ADAM22: variants seen among roughly 807,000 people sequenced by gnomAD.
The protein encoded by ADAM22 is ADAM metallopeptidase domain 22.
In ADAM22, 65 loss-of-function variants were observed where a neutral mutation model predicts 144.6. The ratio of observed to expected loss-of-function variants is 0.45; its 90% CI spans 0.37 to 0.55. The LOEUF (loss-of-function observed/expected upper bound fraction) is 0.55. ADAM22 is among the 20% of genes least tolerant of loss of function. ADAM22 has a pLI of 0.00. For synonymous variants in ADAM22, 391 were observed against 412.6 expected, an observed-to-expected ratio of 0.95 and a Z score of 0.63; for missense variants, 974 against 1,184.9, an observed-to-expected ratio of 0.82 and a Z score of 2.61.
intron 3 of ADAM22, among the ~76,000 whole-genome samples, chr7:88,015,027 T>A (rs756104323): frequency 1.3e-5 from 2 of 152,220 alleles, no homozygotes; most frequent in Non-Finnish European, 2.9e-5. Flanking sequence ...TGATCATTGA[T>A]ACAGGGTAGA....
chr7:87,981,396 C>T (rs748301129), intron 3 of ADAM22, among the ~76,000 whole-genome samples: 29 of 152,088 alleles, frequency 1.9e-4, no homozygotes, highest in Admixed American at 5.2e-4. Context: ...TCAATAACAA[C>T]GAAATGGTTT....
intron 15 of ADAM22, among the ~76,000 whole-genome samples, chr7:88,143,518 C>T (rs1835424582): frequency 6.6e-6 from 1 of 152,160 alleles, no homozygotes. Context: ...CCTCATCACT[C>T]CCTATCACTG....
At chr7:88,123,636 T>C (rs1366710659) in intron 7 of ADAM22, among the ~76,000 whole-genome samples, 2 of 152,000 alleles carry the variant, frequency 1.3e-5, no homozygotes, top group Non-Finnish European at 2.9e-5. Context: ...CACTTTTTTC[T>C]ATTTGATTTG....
chr7:88,154,487 T>G lies in ADAM22; in HGVS notation c.1787+1161T>G, dbSNP rs76479928. ...CCCAGCTTGGGAAACACTTTCTATATATAAATTTCTTTATGATTTACTCTA... is the reference window on the plus strand; with the variant it reads ...CCCAGCTTGGGAAACACTTTCTATAGATAAATTTCTTTATGATTTACTCTA... On this transcript the variant is annotated intron_variant, in intron 21 of 31. Coordinates refer to ENST00000413139, the MANE Select transcript of ADAM22 (RefSeq NM_001324418.2). Among the ~76,000 whole-genome samples, 1,287 of 152,280 alleles carry G rather than the reference T, an allele frequency of 8.5e-3. 13 individuals carry two copies. The highest frequency in any genetic ancestry group is 0.014 in the Non-Finnish European group (962 of 68,020).
chr7:88,147,901 A>G (rs1246493783), intron 17 of ADAM22, among the ~76,000 whole-genome samples: 2 of 152,206 alleles, frequency 1.3e-5, no homozygotes, highest in East Asian at 3.8e-4. Flanking sequence ...TTTAACCCAC[A>G]TTAAGATGCA....
chr7:88,148,887 C>A, intron 17 of ADAM22, 90 bp from the exon 18 acceptor site: 10 of 1,018,814 alleles, frequency 9.8e-6, no homozygotes, highest in Non-Finnish European at 1.4e-5. Context: ...TATTTCTAGC[C>A]AAACAATTTT....
At chr7:88,011,465 G>A (rs950914225) in intron 3 of ADAM22, among the ~76,000 whole-genome samples, 11 of 151,682 alleles carry the variant, frequency 7.3e-5, no homozygotes, top group Non-Finnish European at 1.0e-4. Context: ...GCGTGAACCC[G>A]GCAGGCAGAG....
intron 3 of ADAM22, among the ~76,000 whole-genome samples, chr7:88,047,340 T>C (rs752309012): frequency 1.6e-4 from 25 of 152,324 alleles, no homozygotes; most frequent in Middle Eastern, 3.4e-3. Context: ...TTACAAACCA[T>C]GGACATTTAA....
chr7:88,142,564 C>T (rs539638940), intron 14 of ADAM22, among the ~76,000 whole-genome samples: 131 of 152,210 alleles, frequency 8.6e-4, no homozygotes, highest in African/African-American at 2.7e-3. Flanking sequence ...ATTGGCCGGG[C>T]GTGGTGGCTC....
intron 8 of ADAM22, among the ~76,000 whole-genome samples, chr7:88,126,869 G>A (rs962923336): frequency 2.6e-5 from 4 of 151,780 alleles, no homozygotes; most frequent in Non-Finnish European, 5.9e-5. Flanking sequence ...TACTGATAAG[G>A]ACATTGAGCA....
chr7:87,953,927 G>T (rs1845927109), intron 2 of ADAM22, among the ~76,000 whole-genome samples: 1 of 152,046 alleles, frequency 6.6e-6, no homozygotes. Flanking sequence ...GATCTTGGTT[G>T]GTTTAAAGTC....
At chr7:88,153,395 G>C in intron 21 of ADAM22, 69 bp downstream of exon 21, 1 of 1,287,872 alleles carries the variant, frequency 7.8e-7, no homozygotes, top group Non-Finnish European at 1.1e-6. Flanking sequence ...TGAGTGACTA[G>C]GAAGTTTCTG....
At chr7:87,960,966 C>A (rs575931628) in intron 2 of ADAM22, among the ~76,000 whole-genome samples, 44 of 152,220 alleles carry the variant, frequency 2.9e-4, no homozygotes, top group Non-Finnish European at 5.0e-4. Flanking sequence ...TTCTTCTGGG[C>A]TTATGTTCTA....
chr7:88,086,154 C>T (rs1211842023), intron 4 of ADAM22, among the ~76,000 whole-genome samples: 13 of 152,132 alleles, frequency 8.5e-5, no homozygotes, highest in Non-Finnish European at 1.0e-4. Flanking sequence ...CCAGCCTGGG[C>T]GACAGAGCAA....
At chr7:88,010,387 C>G (rs942271243) in intron 3 of ADAM22, among the ~76,000 whole-genome samples, 2 of 152,116 alleles carry the variant, frequency 1.3e-5, no homozygotes, top group Non-Finnish European at 2.9e-5. Flanking sequence ...GGGTAACAAA[C>G]CACTGGAAGG....
chr7:88,063,212 A>G (rs1277054397), intron 3 of ADAM22, among the ~76,000 whole-genome samples: 1 of 152,220 alleles, frequency 6.6e-6, no homozygotes, highest in Non-Finnish European at 1.5e-5. Context: ...AAAGCACAAT[A>G]AAACAAGGTA....
At chr7:88,109,331 C>T (rs916288220) in intron 5 of ADAM22, among the ~76,000 whole-genome samples, 4 of 152,168 alleles carry the variant, frequency 2.6e-5, no homozygotes, top group South Asian at 4.1e-4. Flanking sequence ...TCCACTTCCT[C>T]CATCCTGTCG....
chr7:88,019,665 C>T, intron 3 of ADAM22, among the ~76,000 whole-genome samples: 2 of 152,010 alleles, frequency 1.3e-5, no homozygotes, highest in South Asian at 2.1e-4. Context: ...TTGGCCAACA[C>T]GGTAAAACCC....
At chr7:88,042,545 CTTGAT>C (rs763590900) in intron 3 of ADAM22, among the ~76,000 whole-genome samples, 2 of 151,952 alleles carry the variant, frequency 1.3e-5, no homozygotes, top group African/African-American at 4.8e-5. Context: ...TAGCTTTATA[CTTGAT>C]TTGAAGTTTG....
Sources: gnomAD v4.1 joint callset for allele counts (sites outside exome capture counted in the v4.1 genomes callset) on GRCh38, gnomAD v4.1.1 for gene constraint, MANE v1.5 for transcripts, NCBI Gene and HGNC (gene_info 2026-07-23, HGNC 2026-07-21) for gene names.